Variants in VPS53 observed in about 807,000 individuals in gnomAD.
The protein encoded by VPS53 is VPS53 subunit of GARP complex.
In VPS53, 70 loss-of-function variants were observed where a neutral mutation model predicts 107.0. The observed-to-expected ratio is 0.65, with a 90% CI of 0.54 to 0.80. VPS53 has a LOEUF of 0.80. VPS53 is among the 30% of genes least tolerant of loss of function. The pLI, the probability that VPS53 is intolerant of heterozygous loss-of-function variation, is 0.00. For missense variants in VPS53, 917 were observed against 1,049.4 expected, an observed-to-expected ratio of 0.87 and a Z score of 1.74; for synonymous variants, 409 against 393.3, an observed-to-expected ratio of 1.04 and a Z score of -0.47.
At chr17:601,581 C>T (rs769254459) in intron 12 of VPS53, among the ~76,000 whole-genome samples, 8 of 152,190 alleles carry the variant, frequency 5.3e-5, no homozygotes, top group African/African-American at 9.7e-5. Context: ...GTCCTGGAGG[C>T]GGGGCTCTTC....
chr17:648,178 T>G (rs1227555611), intron 7 of VPS53, among the ~76,000 whole-genome samples: 1 of 152,200 alleles, frequency 6.6e-6, no homozygotes, highest in Non-Finnish European at 1.5e-5. Flanking sequence ...CTTAGCCAAG[T>G]AGCAATTCCC....
chr17:560,624 C>T, intron 14 of VPS53, 51 bp from the exon 15 acceptor site: 2 of 1,590,182 alleles, frequency 1.3e-6, no homozygotes, highest in Non-Finnish European at 1.7e-6. Flanking sequence ...AATTTGCTTC[C>T]TGAACTGGAA....
chr17:675,366 C>T (rs185302750), intron 4 of VPS53: 19 of 152,276 alleles, frequency 1.2e-4, no homozygotes, highest in African/African-American at 4.3e-4. Flanking sequence ...TGACTAGGAA[C>T]AAGAAAAGCT....
chr17:661,360 A>G (rs536194375), intron 5 of VPS53, among the ~76,000 whole-genome samples: 1 of 151,936 alleles, frequency 6.6e-6, no homozygotes, highest in East Asian at 1.9e-4. Context: ...TCTCTACTAA[A>G]AATACAAAAA....
rs531374585 is a variant in VPS53 at position 516,705 on chromosome 17, C to G, written c.*2423G>C. The G allele has an allele frequency of 3.3e-5, 5 of 152,168 alleles. No homozygotes were observed. The highest frequency in any genetic ancestry group is 9.7e-5 in the African/African-American group (4 of 41,396). The allele number at this position is 152,168 out of a possible 1,614,324, so 9.4% of individuals were successfully genotyped here. ...AAGGCCCCAGTGGTTCTGATGCACA[C>G]CCCCAGAAGAGAAACACAGCGTCTC... On this transcript the variant is annotated 3_prime_UTR_variant, in exon 22 of 22. Coordinates refer to ENST00000437048, the MANE Select transcript of VPS53 (RefSeq NM_001128159.3).
intron 12 of VPS53, among the ~76,000 whole-genome samples, chr17:597,611 C>T (rs562742465): frequency 1.3e-5 from 2 of 152,116 alleles, no homozygotes; most frequent in Non-Finnish European, 2.9e-5. Flanking sequence ...GGCGTGATCT[C>T]GGCTCACTGT....
intron 11 of VPS53, among the ~76,000 whole-genome samples, chr17:610,332 T>C (rs530083552): frequency 6.6e-6 from 1 of 152,274 alleles, no homozygotes; most frequent in East Asian, 1.9e-4. Context: ...CTGTGACATA[T>C]GAAGCATATT....
chr17:565,403 C>CAA (rs535932031), intron 13 of VPS53, among the ~76,000 whole-genome samples: 267 of 82,384 alleles, frequency 3.2e-3, no homozygotes, highest in Middle Eastern at 0.015. Context: ...AACCCCATCT[C>CAA]AAAAAAAAAA....
chr17:583,902 C>A (rs1454547549), intron 13 of VPS53, among the ~76,000 whole-genome samples: 1 of 142,552 alleles, frequency 7.0e-6, no homozygotes, highest in Non-Finnish European at 1.5e-5. Context: ...ATCAGGACCT[C>A]ATGCGTTCCC....
Position 560,361 on chromosome 17 carries a change from C to T in VPS53, c.1704+65G>A, listed in dbSNP as rs1912822522. 18 of 1,540,708 alleles carry T rather than the reference C, an allele frequency of 1.2e-5. 1 individual carries two copies. In the South Asian group the frequency reaches 2.1e-4, roughly 18 times the overall value. On this transcript the variant is annotated intron_variant, in intron 15 of 21. Coordinates refer to ENST00000437048, the MANE Select transcript of VPS53 (RefSeq NM_001128159.3). ...ATGTTAGGACGTATATTCTTACTCG[C>T]CGAGCGACGCAGCCCAGAGGGTTCA...
At chr17:559,951 A>G (rs561060322) in intron 15 of VPS53, among the ~76,000 whole-genome samples, 1 of 152,360 alleles carries the variant, frequency 6.6e-6, no homozygotes, top group South Asian at 2.1e-4. Context: ...CATCCCAAAC[A>G]ATGGCTATTT....
Position 517,723 on chromosome 17 carries a change from G to C in VPS53, c.*1405C>G. On this transcript the variant is annotated 3_prime_UTR_variant, in exon 22 of 22. Transcript: ENST00000437048. The stretch of plus-strand genomic sequence containing the variant: ...TTTAGTTGAGACAGGGTTTCGCCAT[G>C]TTGGGCAGGCTGGTCTCGAATTCCT... 3.8e-6 allele frequency: 1 copy of C among 260,498 alleles called. No homozygotes were observed. Among genetic ancestry groups the C allele is most frequent in the Non-Finnish European group, 7.2e-6 (1 of 139,730 alleles). The allele number at this position is 260,498 out of a possible 1,614,324, so 16.1% of individuals were successfully genotyped here. A position where few individuals can be genotyped will look rare whatever the true frequency, so the allele number is the denominator to read the frequency against.
At chr17:656,746 T>C in intron 5 of VPS53, 1 of 806,514 alleles carries the variant, frequency 1.2e-6, no homozygotes, top group Non-Finnish European at 2.1e-6. Flanking sequence ...TCATGCCACA[T>C]TATTTTTAAT....
intron 7 of VPS53, among the ~76,000 whole-genome samples, chr17:639,234 C>T (rs1011010722): frequency 6.6e-5 from 10 of 152,218 alleles, no homozygotes; most frequent in African/African-American, 2.2e-4. Context: ...GTGCGCTCGT[C>T]AGGTAGTTCT....
intron 6 of VPS53, among the ~76,000 whole-genome samples, chr17:654,587 A>C (rs1244145365): frequency 1.3e-5 from 2 of 151,534 alleles, no homozygotes; most frequent in Non-Finnish European, 2.9e-5. Context: ...AAATACAAAA[A>C]TTAACCGGGC....
chr17:593,463 A>C (rs1364030874), intron 12 of VPS53, among the ~76,000 whole-genome samples: 1 of 152,128 alleles, frequency 6.6e-6, no homozygotes, highest in Non-Finnish European at 1.5e-5. Flanking sequence ...AATTTACAAG[A>C]AAAAAACAAA....
intron 8 of VPS53, among the ~76,000 whole-genome samples, chr17:630,185 T>G (rs1175499780): frequency 2.6e-5 from 4 of 151,832 alleles, no homozygotes; most frequent in African/African-American, 4.8e-5. Flanking sequence ...TCCCAGCTAT[T>G]TGGGAGGCTG....
intron 7 of VPS53, among the ~76,000 whole-genome samples, chr17:650,982 TAAAAC>T (rs1970921484): frequency 2.6e-5 from 4 of 152,162 alleles, no homozygotes; most frequent in African/African-American, 4.8e-5. Flanking sequence ...ACCATTTAGT[TAAAAC>T]AAAACAAAGC....
In VPS53 at chr17:559,838, A is replaced by G. The variant is rs575622173; in HGVS notation, c.1704+588T>C. Among the ~76,000 whole-genome samples, 43 of 152,384 alleles carry G rather than the reference A, an allele frequency of 2.8e-4. No homozygotes were observed. The South Asian group carries it at 8.3e-3, about 29-fold the overall frequency. On this transcript the variant is annotated intron_variant, in intron 15 of 21. Coordinates refer to ENST00000437048, the MANE Select transcript of VPS53 (RefSeq NM_001128159.3). ...CATGTTTAAGGCTGAATCAAAGGTT[A>G]TTCTGGGTCTTCCTTCTGCTCCATC...
Sources: gnomAD v4.1 joint callset for allele counts (sites outside exome capture counted in the v4.1 genomes callset) on GRCh38, gnomAD v4.1.1 for gene constraint, MANE v1.5 for transcripts, NCBI Gene and HGNC (gene_info 2026-07-23, HGNC 2026-07-21) for gene names.